The following FER1L6 variants were observed in gnomAD, a reference collection of about 807,000 sequenced individuals.
The protein encoded by FER1L6 is fer-1-like protein 6.
FER1L6 carries 177 observed loss-of-function variants against 219.2 expected under a neutral mutation model. The ratio of observed to expected loss-of-function variants is 0.81; its 90% CI spans 0.71 to 0.91. FER1L6 has a LOEUF of 0.91. Ranked by LOEUF, FER1L6 falls within the 40% of genes least tolerant of loss-of-function variation. The pLI, the probability that FER1L6 is intolerant of heterozygous loss-of-function variation, is 0.00. For synonymous variants in FER1L6, 768 were observed against 824.3 expected, an observed-to-expected ratio of 0.93 and a Z score of 1.17; for missense variants, 2,153 against 2,259.9, an observed-to-expected ratio of 0.95 and a Z score of 0.96.
chr8:123,957,893 G>GA (rs1363564111), intron 2 of FER1L6, among the ~76,000 whole-genome samples: 1 of 152,162 alleles, frequency 6.6e-6, no homozygotes, highest in Non-Finnish European at 1.5e-5. Flanking sequence ...GTGGGAGACT[G>GA]AAAAAACAAA....
intron 10 of FER1L6, among the ~76,000 whole-genome samples, chr8:123,978,643 A>G (rs888601747): frequency 6.6e-6 from 1 of 152,202 alleles, no homozygotes; most frequent in Non-Finnish European, 1.5e-5. Context: ...ATATAATCAC[A>G]CATACATATA....
intron 1 of FER1L6, among the ~76,000 whole-genome samples, chr8:123,856,736 A>G (rs944632168): frequency 5.3e-5 from 8 of 152,114 alleles, no homozygotes; most frequent in African/African-American, 1.9e-4. Context: ...CACATTAACT[A>G]TGTGCAGTGC....
intron 1 of FER1L6, among the ~76,000 whole-genome samples, chr8:123,942,302 GC>G (rs1305637505): frequency 6.6e-6 from 1 of 152,052 alleles, no homozygotes; most frequent in Admixed American, 6.5e-5. Flanking sequence ...AGCCCTCACC[GC>G]CAGGTCCTCT....
At chr8:124,099,723 G>C (rs922541143) in intron 37 of FER1L6, among the ~76,000 whole-genome samples, 1 of 152,038 alleles carries the variant, frequency 6.6e-6, no homozygotes, top group Non-Finnish European at 1.5e-5. Context: ...CATTTTCTCT[G>C]AACAGATTCA....
intron 1 of FER1L6, among the ~76,000 whole-genome samples, chr8:123,912,626 A>C (rs530340745): frequency 5.3e-5 from 8 of 152,112 alleles, no homozygotes; most frequent in Non-Finnish European, 1.2e-4. Context: ...AATTTTTATC[A>C]TTTTACGAAT....
chr8:124,101,515 TCCAC>T (rs1306510880), intron 38 of FER1L6, among the ~76,000 whole-genome samples, 177 bp downstream of exon 38: 3 of 152,176 alleles, frequency 2.0e-5, no homozygotes, highest in Non-Finnish European at 2.9e-5. Context: ...TGATGGTACA[TCCAC>T]ATGATGGACC....
Position 123,958,429 on chromosome 8 carries a change from C to A in FER1L6, c.76+2355C>A, listed in dbSNP as rs148159054. ...GGCTCCAGGTGACCCTGTCCCTCAC[C>A]TACAGGAGGGAGGCTGACCCCACCA... is the stretch of plus-strand genomic sequence containing the variant. On this transcript the variant is annotated intron_variant, in intron 2 of 40. Coordinates refer to ENST00000522917, the MANE Select transcript of FER1L6 (RefSeq NM_001039112.2). 8.8e-3 allele frequency among the ~76,000 whole-genome samples: 1,343 copies of A among 152,206 alleles called. 22 individuals carry two copies. Among genetic ancestry groups the A allele is most frequent in the African/African-American group, 0.03 (1,264 of 41,534 alleles).
intron 1 of FER1L6, among the ~76,000 whole-genome samples, chr8:123,866,711 G>T (rs1488971529): frequency 2.6e-5 from 4 of 152,046 alleles, no homozygotes; most frequent in Non-Finnish European, 5.9e-5. Flanking sequence ...TCAAACTCTT[G>T]AGCTCAAGCG....
intron 22 of FER1L6, among the ~76,000 whole-genome samples, chr8:124,056,281 C>A (rs575444714): frequency 6.6e-6 from 1 of 152,318 alleles, no homozygotes; most frequent in Non-Finnish European, 1.5e-5. Flanking sequence ...TACACACCCC[C>A]AAAAGGGGCC....
intron 24 of FER1L6, among the ~76,000 whole-genome samples, chr8:124,061,383 T>A (rs1250212484): frequency 2.6e-5 from 4 of 152,112 alleles, no homozygotes; most frequent in African/African-American, 9.7e-5. Context: ...TGGAAGAATG[T>A]GCATGGTGTT....
At position 124,017,722 on chromosome 8, in the gene FER1L6, T is replaced by C; in HGVS notation, c.2013+4T>C. On this transcript the variant is annotated splice_donor_region_variant and intron_variant, in intron 16 of 40. Coordinates refer to ENST00000522917, the MANE Select transcript of FER1L6 (RefSeq NM_001039112.2). ...TACGCTCTGCTGGCAGGAGCTGGTA[T>C]GTGAAAATCTATTTATACTTTGTGG... 1.2e-6 allele frequency: 2 copies of C among 1,610,654 alleles called. No homozygotes were observed. Among genetic ancestry groups the C allele is most frequent in the Non-Finnish European group, 1.7e-6 (2 of 1,177,190 alleles).
At chr8:123,966,314 G>A in intron 5 of FER1L6, 24 bp downstream of exon 5, 1 of 1,613,282 alleles carries the variant, frequency 6.2e-7, no homozygotes, top group Non-Finnish European at 8.5e-7. Flanking sequence ...GTCACCCACA[G>A]CTTTTGCACT....
At chr8:124,042,720 C>CT (rs1819561773) in intron 20 of FER1L6, among the ~76,000 whole-genome samples, 1 of 152,274 alleles carries the variant, frequency 6.6e-6, no homozygotes, top group African/African-American at 2.4e-5. Context: ...CCGAGTGCCA[C>CT]TGTTCAGCTG....
chr8:124,036,333 G>A (rs1174640195), intron 19 of FER1L6: 1 of 152,128 alleles, frequency 6.6e-6, no homozygotes, highest in African/African-American at 2.4e-5. Context: ...CAATGGTTCA[G>A]CTCATGGTTT....
At chr8:124,021,776 C>A in intron 17 of FER1L6, 107 bp downstream of exon 17, 1 of 1,365,054 alleles carries the variant, frequency 7.3e-7, no homozygotes, top group Non-Finnish European at 1.0e-6. Flanking sequence ...TTTTTCTCCC[C>A]AGCCCTAGTG....
intron 39 of FER1L6, among the ~76,000 whole-genome samples, chr8:124,106,262 G>A (rs1188539565): frequency 6.7e-6 from 1 of 148,574 alleles, no homozygotes; most frequent in Non-Finnish European, 1.5e-5. Flanking sequence ...CCAGGAGGCG[G>A]AGCTTGCAGT....
At chr8:124,076,508 T>C (rs181847599) in intron 32 of FER1L6, among the ~76,000 whole-genome samples, 183 bp downstream of exon 32, 39 of 152,350 alleles carry the variant, frequency 2.6e-4, no homozygotes, top group African/African-American at 8.9e-4. Context: ...TTGAATTCTT[T>C]CATGGTCCCC....
intron 6 of FER1L6, 69 bp downstream of exon 6, chr8:123,970,166 G>C (rs1372644336): frequency 1.5e-6 from 2 of 1,356,340 alleles, no homozygotes; most frequent in Non-Finnish European, 2.1e-6. Context: ...GGACTCTCTG[G>C]GACAACTCAG....
chr8:123,898,868 CATAT>C (rs530314634), intron 1 of FER1L6, among the ~76,000 whole-genome samples: 213 of 112,148 alleles, frequency 1.9e-3, no homozygotes, highest in African/African-American at 6.1e-3. Context: ...CACACACACA[CATAT>C]ATATATATAT....
Sources: gnomAD v4.1 joint callset for allele counts (sites outside exome capture counted in the v4.1 genomes callset) on GRCh38, gnomAD v4.1.1 for gene constraint, MANE v1.5 for transcripts, NCBI Gene and HGNC (gene_info 2026-07-23, HGNC 2026-07-21) for gene names.